The following KIF5C variants were observed in gnomAD, a reference collection of about 807,000 sequenced individuals.
KIF5C encodes kinesin family member 5C, also known as kinesin heavy chain isoform 5C.
In KIF5C, 18 loss-of-function variants were observed where a neutral mutation model predicts 125.2. The ratio of observed to expected loss-of-function variants is 0.14; its 90% CI spans 0.10 to 0.21. The LOEUF is 0.21. Ranked by LOEUF, KIF5C falls within the 10% of genes least tolerant of loss-of-function variation. KIF5C has a pLI of 1.00. For missense variants in KIF5C, 780 were observed against 1,183.8 expected, an observed-to-expected ratio of 0.66 and a Z score of 5.01; for synonymous variants, 405 against 434.0, an observed-to-expected ratio of 0.93 and a Z score of 0.83.
At chr2:149,010,774 G>A (rs2105201093) in intron 24 of KIF5C, among the ~76,000 whole-genome samples, 1 of 152,348 alleles carries the variant, frequency 6.6e-6, no homozygotes, top group East Asian at 1.9e-4. Flanking sequence ...AAGCCTCCAA[G>A]TGCAGGTTTG....
At chr2:148,998,706 G>C in intron 19 of KIF5C, 197 bp downstream of exon 19, 1 of 918,864 alleles carries the variant, frequency 1.1e-6, no homozygotes, top group Non-Finnish European at 1.6e-6. Flanking sequence ...TGGAGCCCTG[G>C]CATGGCAGGT....
chr2:148,972,845 C>T (rs568522151), intron 11 of KIF5C, among the ~76,000 whole-genome samples: 1 of 152,326 alleles, frequency 6.6e-6, no homozygotes, highest in Admixed American at 6.5e-5. Context: ...TTCTTGAATT[C>T]AGAGGATCTG....
At chr2:148,957,025 A>G (rs1682806773) in intron 10 of KIF5C, among the ~76,000 whole-genome samples, 1 of 152,354 alleles carries the variant, frequency 6.6e-6, no homozygotes, top group Admixed American at 6.5e-5. Flanking sequence ...TCCTGGAACC[A>G]TAAGGCTGGT....
chr2:149,005,523 C>T (rs1681980718), intron 22 of KIF5C, 59 bp downstream of exon 22: 1 of 1,591,204 alleles, frequency 6.3e-7, no homozygotes, highest in South Asian at 1.1e-5. Context: ...AGGGAAGAAT[C>T]ATTTTCAGTT....
intron 25 of KIF5C, among the ~76,000 whole-genome samples, chr2:149,017,778 A>G (rs1682409093): frequency 6.6e-6 from 1 of 152,240 alleles, no homozygotes; most frequent in Non-Finnish European, 1.5e-5. Flanking sequence ...CAATTTGCAC[A>G]TTGTAAACAG....
intron 1 of KIF5C, among the ~76,000 whole-genome samples, chr2:148,902,171 A>C (rs1174819567): frequency 6.6e-6 from 1 of 152,128 alleles, no homozygotes; most frequent in Non-Finnish European, 1.5e-5. Flanking sequence ...TGACTGTGCA[A>C]CCAGCACCTT....
chr2:149,000,844 C>T lies in KIF5C; in HGVS notation c.2373+62C>T, dbSNP rs764413828. 5.4e-5 allele frequency: 87 copies of T among 1,598,404 alleles called. No individual in the cohort carries two copies. In the South Asian group the frequency reaches 6.2e-4, roughly 11 times the overall value. On this transcript the variant is annotated intron_variant, in intron 21 of 25. Coordinates refer to ENST00000435030, the MANE Select transcript of KIF5C (RefSeq NM_004522.3). ...AAGACCGGATTCATTTGTGATTTGT[C>T]GGATTATTTCAAAATTTTATCCATG... is the stretch of plus-strand genomic sequence containing the variant.
At position 148,941,959 on chromosome 2, in the gene KIF5C, A is replaced by G; in HGVS notation, c.470A>G (p.His157Arg). ...LDVSKTNLAV[H>R]EDKNRVPYVK... ...GTATCCAAGACCAACTTGGCTGTTC[A>G]TGAAGATAAAAACAGAGTCCCGTAT... The change falls in exon 6 of 26, where the codon CAT (histidine) becomes CGT (arginine). Residue 157 changes from histidine (H) to arginine (R), a missense_variant. By Grantham distance (29) the His-to-Arg change is conservative. Coordinates refer to ENST00000435030, the MANE Select transcript of KIF5C (RefSeq NM_004522.3). 1.2e-6 allele frequency: 2 copies of G among 1,612,106 alleles called. No individual in the cohort carries two copies. Among genetic ancestry groups the G allele is most frequent in the Non-Finnish European group, 1.7e-6 (2 of 1,179,548 alleles).
At chr2:148,888,317 G>T (rs1213410459) in intron 1 of KIF5C, 1 of 152,246 alleles carries the variant, frequency 6.6e-6, no homozygotes, top group East Asian at 1.9e-4. Context: ...CTAACGCTAG[G>T]AATGATGAAA....
At chr2:148,925,898 A>G (rs1321721271) in intron 2 of KIF5C, among the ~76,000 whole-genome samples, 1 of 152,194 alleles carries the variant, frequency 6.6e-6, no homozygotes, top group Non-Finnish European at 1.5e-5. Flanking sequence ...GGGCACAGGG[A>G]CTGCCCTTTA....
At chr2:149,018,092 A>G (rs1682422645) in intron 25 of KIF5C, among the ~76,000 whole-genome samples, 1 of 152,124 alleles carries the variant, frequency 6.6e-6, no homozygotes. Context: ...AGTTTGAGAC[A>G]AGCCTGGACA....
intron 1 of KIF5C, chr2:148,883,804 T>C (rs547857299): frequency 1.3e-5 from 2 of 152,278 alleles, no homozygotes; most frequent in South Asian, 2.1e-4. Context: ...TTTTTTTTCC[T>C]ATTATAAACA....
chr2:148,994,812 C>G (rs1291228297), intron 17 of KIF5C, among the ~76,000 whole-genome samples: 2 of 151,950 alleles, frequency 1.3e-5, no homozygotes, highest in South Asian at 4.2e-4. Flanking sequence ...AGCGATTCTC[C>G]TGCCTCAGCC....
At chr2:148,934,221 TCATA>T (rs1323177496) in intron 3 of KIF5C, among the ~76,000 whole-genome samples, 1 of 138,718 alleles carries the variant, frequency 7.2e-6, no homozygotes, top group Non-Finnish European at 1.6e-5. Flanking sequence ...TCCACATACA[TCATA>T]CATATACACA....
chr2:148,940,846 A>C (rs937762085), intron 4 of KIF5C, among the ~76,000 whole-genome samples: 2 of 152,178 alleles, frequency 1.3e-5, no homozygotes, highest in Non-Finnish European at 2.9e-5. Flanking sequence ...CTAAGACCAC[A>C]TATTTAGTTA....
At chr2:148,974,137 C>A (rs1375777797) in intron 12 of KIF5C, among the ~76,000 whole-genome samples, 1 of 152,128 alleles carries the variant, frequency 6.6e-6, no homozygotes, top group East Asian at 1.9e-4. Context: ...GGAAAAGAGG[C>A]CTTGGAGAAC....
Position 148,941,993 on chromosome 2 carries a change from A to G in KIF5C, c.501+3A>G. 1 of 1,610,514 alleles carries G rather than the reference A, an allele frequency of 6.2e-7. No homozygotes were observed. The highest frequency in any genetic ancestry group is 8.5e-7 in the Non-Finnish European group (1 of 1,179,302). On this transcript the variant is annotated splice_donor_region_variant and intron_variant, in intron 6 of 25. Transcript: ENST00000435030. ...AAAACAGAGTCCCGTATGTAAAGGT[A>G]TGAGGAAGATTTGATTGGTGATGCA...
chr2:148,899,759 C>A (rs1680824120), intron 1 of KIF5C, among the ~76,000 whole-genome samples: 1 of 149,978 alleles, frequency 6.7e-6, no homozygotes, highest in South Asian at 2.1e-4. Flanking sequence ...TCCTCAGTTA[C>A]CAACAGACTC....
chr2:148,900,979 C>G (rs1680876839), intron 1 of KIF5C, among the ~76,000 whole-genome samples: 1 of 152,018 alleles, frequency 6.6e-6, no homozygotes, highest in Non-Finnish European at 1.5e-5. Flanking sequence ...TCATAAAATA[C>G]AAAAAACCCC....
Sources: allele counts gnomAD v4.1 joint callset (sites outside exome capture counted in the v4.1 genomes callset), GRCh38; gene constraint gnomAD v4.1.1; transcripts MANE v1.5; gene names NCBI Gene and HGNC (gene_info 2026-07-23, HGNC 2026-07-21).